The following MARCHF6 variants were observed in gnomAD, a reference collection of about 807,000 sequenced individuals.
MARCHF6 encodes the protein E3 ubiquitin-protein ligase MARCHF6.
MARCHF6 carries 31 observed loss-of-function variants against 133.7 expected under a neutral mutation model. The observed-to-expected ratio is 0.23, with a 90% CI of 0.17 to 0.31. The LOEUF is 0.31. MARCHF6 is among the 10% of genes least tolerant of loss of function. MARCHF6 has a pLI of 1.00. For synonymous variants in MARCHF6, 395 were observed against 402.5 expected, an observed-to-expected ratio of 0.98 and a Z score of 0.22; for missense variants, 723 against 1,121.6, an observed-to-expected ratio of 0.64 and a Z score of 5.08.
chr5:10,429,930 G>A lies in MARCHF6; in HGVS notation c.2544G>A (p.Arg848=), dbSNP rs1254653036. 1 of 1,613,532 alleles carries A rather than the reference G, an allele frequency of 6.2e-7. No homozygotes were observed. Among genetic ancestry groups the A allele is most frequent in the African/African-American group, 1.3e-5 (1 of 75,022 alleles). ...AAATGCAAAACTTAGTCCATCGGCG[G>A]ATTTATCCATTTTTACTGATGGTCG... The part of the protein sequence containing the change: ...TAEMQNLVHR[R]IYPFLLMVVV... Residue 848 remains arginine, a synonymous_variant, in exon 25 of 26, where the codon CGG becomes CGA. Transcript: ENST00000274140.
chr5:10,406,959 T>G (rs1308356334), intron 16 of MARCHF6, 143 bp from the exon 17 acceptor site: 2 of 471,588 alleles, frequency 4.2e-6, no homozygotes, highest in East Asian at 6.4e-5. Flanking sequence ...GACTCAAAGA[T>G]AATGTGTAGA....
intron 7 of MARCHF6, 75 bp downstream of exon 7, chr5:10,391,806 G>A (rs918144028): frequency 2.2e-6 from 3 of 1,341,586 alleles, no homozygotes; most frequent in Non-Finnish European, 2.9e-6. Flanking sequence ...AAAAGGGCTG[G>A]CGTTTTCAAA....
At chr5:10,377,112 C>T (rs1197980012) in intron 1 of MARCHF6, among the ~76,000 whole-genome samples, 2 of 152,144 alleles carry the variant, frequency 1.3e-5, no homozygotes, top group Admixed American at 1.3e-4. Flanking sequence ...AGAAGACAGA[C>T]AAATATGCCC....
Position 10,353,758 on chromosome 5 carries a change from C to T in MARCHF6, c.-141C>T, listed in dbSNP as rs1349126149. ...TCAGCCTCTCTCCCTCTCCCTCTCCCCTCTCCTTCCTCTCGCTTCCTCTCT... is the reference window on the plus strand; with the variant it reads ...TCAGCCTCTCTCCCTCTCCCTCTCCTCTCTCCTTCCTCTCGCTTCCTCTCT... On this transcript the variant is annotated 5_prime_UTR_variant, in exon 1 of 26. Coordinates refer to ENST00000274140, the MANE Select transcript of MARCHF6 (RefSeq NM_005885.4). 1.3e-5 allele frequency: 9 copies of T among 676,108 alleles called. No homozygotes were observed. Among genetic ancestry groups the T allele is most frequent in the Admixed American group, 4.8e-5 (2 of 41,850 alleles). The allele number at this position is 676,108 out of a possible 1,614,324, so 41.9% of individuals were successfully genotyped here. A position where few individuals can be genotyped will look rare whatever the true frequency, so the allele number is the denominator to read the frequency against.
chr5:10,390,242 TGAG>T, intron 5 of MARCHF6, 87 bp from the exon 6 acceptor site: 1 of 978,392 alleles, frequency 1.0e-6, no homozygotes, highest in African/African-American at 1.7e-5. Context: ...TTTTTTTTTC[TGAG>T]ACTTTAGTAT....
At position 10,438,078 on chromosome 5, in the gene MARCHF6, CTG is replaced by C. The variant is rs1346481319; in HGVS notation, c.*4395_*4396del. 1 of 152,372 alleles carries C rather than the reference CTG, an allele frequency of 6.6e-6. No individual in the cohort carries two copies. The highest frequency in any genetic ancestry group is 1.5e-5 in the Non-Finnish European group (1 of 68,044). The allele number at this position is 152,372 out of a possible 1,614,324, so 9.4% of individuals were successfully genotyped here. On this transcript the variant is annotated 3_prime_UTR_variant, in exon 26 of 26. Transcript: ENST00000274140. Reference sequence around the variant, plus strand: ...TAACTTGAACTGTAGACCGTCCTCACTGGGAAGAGTAAGGCCCCACATTTTGT... The same window carrying C: ...TAACTTGAACTGTAGACCGTCCTCACGGAAGAGTAAGGCCCCACATTTTGT...
In MARCHF6 at chr5:10,414,516, C is replaced by G. The variant is rs766364238; in HGVS notation, c.1966+14C>G. ...TTACTTTACCAGGTATGAGCTTGTG[C>G]TAGCCTTCAGCTAATAGCATCATTA... On this transcript the variant is annotated intron_variant, in intron 20 of 25. Transcript: ENST00000274140. 6 of 1,598,168 alleles carry G rather than the reference C, an allele frequency of 3.8e-6. No individual in the cohort carries two copies. Among genetic ancestry groups the G allele is most frequent in the African/African-American group, 2.7e-5 (2 of 74,530 alleles).
rs922205074 is a variant in MARCHF6 at position 10,402,516 on chromosome 5, C to T, written c.1123-17C>T. On this transcript the variant is annotated splice_polypyrimidine_tract_variant and intron_variant, in intron 13 of 25. Transcript: ENST00000274140. ...CCTACATTTGGGTGATACTGATGAC[C>T]TTTATTTTCACTTAAGGTCTCTTTG... 7 of 1,612,992 alleles carry T rather than the reference C, an allele frequency of 4.3e-6. No homozygotes were observed. The African/African-American group carries it at 8.0e-5, about 18-fold the overall frequency.
At chr5:10,355,782 C>T (rs771926266) in intron 1 of MARCHF6, among the ~76,000 whole-genome samples, 1 of 152,166 alleles carries the variant, frequency 6.6e-6, no homozygotes, top group Non-Finnish European at 1.5e-5. Context: ...CAGGATAATA[C>T]AGGTAGTAAA....
chr5:10,390,136 T>A (rs1161544137), intron 5 of MARCHF6, among the ~76,000 whole-genome samples, 196 bp from the exon 6 acceptor site: 1 of 152,008 alleles, frequency 6.6e-6, no homozygotes, highest in Non-Finnish European at 1.5e-5. Context: ...GTATAGGTTC[T>A]CTTGCAAGTA....
rs1740482343 is a variant in MARCHF6, at chr5:10,433,825, C to T, written c.*141C>T. The T allele has an allele frequency of 2.9e-6, 2 of 683,048 alleles. No individual in the cohort carries two copies. 42.3% of individuals were successfully genotyped at this position (683,048 alleles called of 1,614,324 possible). On this transcript the variant is annotated 3_prime_UTR_variant, in exon 26 of 26. Transcript: ENST00000274140. ...ACTTGTGTTCTCAGCATTCAGAGAG[C>T]AGCGGTGTAAGATTCTGCTGTTCTC...
chr5:10,375,956 TGATGGGGACGTG>T lies in MARCHF6; in HGVS notation c.20-1839_20-1828del, dbSNP rs1471153278. Among the ~76,000 whole-genome samples the T allele has an allele frequency of 3.3e-5, 5 of 152,354 alleles. No individual in the cohort carries two copies. In the East Asian group the frequency reaches 9.6e-4, roughly 29 times the overall value. On this transcript the variant is annotated intron_variant, in intron 1 of 25. Coordinates refer to ENST00000274140, the MANE Select transcript of MARCHF6 (RefSeq NM_005885.4). ...GTCAATACTCTGTATCTAACTAATCTGATGGGGACGTGGAGAACCTTTGTATCTAGCTCAGGG... is the reference window on the plus strand; with the variant it reads ...GTCAATACTCTGTATCTAACTAATCTGAGAACCTTTGTATCTAGCTCAGGG...
In MARCHF6 at chr5:10,392,148, C is replaced by T. The variant is rs933143132; in HGVS notation, c.766+417C>T. Among the ~76,000 whole-genome samples the T allele has an allele frequency of 7.2e-5, 11 of 152,136 alleles. No homozygotes were observed. In the East Asian group the frequency reaches 9.7e-4, roughly 13 times the overall value. On this transcript the variant is annotated intron_variant, in intron 7 of 25. Coordinates refer to ENST00000274140, the MANE Select transcript of MARCHF6 (RefSeq NM_005885.4). ...TAATATTTTGTATTTTTAGTAGAGA[C>T]GGGGTTTCACCGTGTTACCAGTATG...
intron 1 of MARCHF6, among the ~76,000 whole-genome samples, chr5:10,362,382 G>A (rs757960847): frequency 6.6e-6 from 1 of 152,178 alleles, no homozygotes; most frequent in Non-Finnish European, 1.5e-5. Context: ...GGAACAGTTT[G>A]AAGAGCATTG....
At chr5:10,377,160 C>T (rs905852512) in intron 1 of MARCHF6, among the ~76,000 whole-genome samples, 1 of 152,056 alleles carries the variant, frequency 6.6e-6, no homozygotes, top group Non-Finnish European at 1.5e-5. Flanking sequence ...GGGTGGGCTG[C>T]GGTCCAAGGA....
chr5:10,422,674 C>T (rs960179668), intron 22 of MARCHF6, among the ~76,000 whole-genome samples: 1 of 150,844 alleles, frequency 6.6e-6, no homozygotes, highest in Non-Finnish European at 1.5e-5. Context: ...CAACCTCTCA[C>T]CCCATTTGAA....
At position 10,395,270 on chromosome 5, in the gene MARCHF6, T is replaced by C. The variant is rs148650044; in HGVS notation, c.861+485T>C. On this transcript the variant is annotated intron_variant, in intron 9 of 25. Coordinates refer to ENST00000274140, the MANE Select transcript of MARCHF6 (RefSeq NM_005885.4). ...TTGAAAAAGCATAAAGGTAATATTTTTAAAAAATTGTTAAATATTTGATTT... is the reference window on the plus strand; with the variant it reads ...TTGAAAAAGCATAAAGGTAATATTTCTAAAAAATTGTTAAATATTTGATTT... 9.6e-3 allele frequency among the ~76,000 whole-genome samples: 1,467 copies of C among 152,294 alleles called. 24 individuals carry two copies. The highest frequency in any genetic ancestry group is 0.034 in the African/African-American group (1,407 of 41,564).
At chr5:10,386,125 A>G (rs1737460330) in intron 4 of MARCHF6, among the ~76,000 whole-genome samples, 1 of 152,154 alleles carries the variant, frequency 6.6e-6, no homozygotes, top group East Asian at 1.9e-4. Context: ...TCAGTTTTAC[A>G]TTGTTACAAG....
At position 10,390,333 on chromosome 5, in the gene MARCHF6, G is replaced by A. The variant is rs1561120752; in HGVS notation, c.409G>A (p.Glu137Lys). ...LTLPLDMLST[E>K]NLLADCLQGC... ...TATATGTACTTTTTTTTTTAATAGG[G>A]AAAATTTGTTGGCAGATTGTTTGCA... The change falls in exon 6 of 26, where the codon GAA (glutamate) becomes AAA (lysine). Residue 137 changes from glutamate to lysine, a missense_variant and splice_region_variant. Around this residue, in one of 4 missense-constraint regions of MARCHF6, gnomAD observed 91 missense variants for 208.8 expected, o/e 0.44. Transcript: ENST00000274140. 1.2e-6 allele frequency: 2 copies of A among 1,605,944 alleles called. No homozygotes were observed. Among genetic ancestry groups the A allele is most frequent in the Non-Finnish European group, 1.7e-6 (2 of 1,177,388 alleles).
Sources: allele counts gnomAD v4.1 joint callset (sites outside exome capture counted in the v4.1 genomes callset), GRCh38; gene constraint gnomAD v4.1.1; regional missense constraint gnomAD v4.1.1; transcripts MANE v1.5; gene names NCBI Gene and HGNC (gene_info 2026-07-23, HGNC 2026-07-21).